Variants in NSUN6 observed in about 807,000 individuals in gnomAD.
The protein encoded by NSUN6 is NOP2/Sun RNA methyltransferase 6.
Under a neutral mutation model 58.0 loss-of-function variants are expected in NSUN6, and 64 were observed. That is an observed-to-expected ratio of 1.10 (90% CI 0.90 to 1.36). The LOEUF is 1.36. Ranked by LOEUF, NSUN6 falls within the 40% of genes most tolerant of loss-of-function variation. The pLI is 0.00. For synonymous variants in NSUN6, 231 were observed against 193.9 expected, an observed-to-expected ratio of 1.19 and a Z score of -1.59; for missense variants, 701 against 550.1, an observed-to-expected ratio of 1.27 and a Z score of -2.74.
At chr10:18,604,068 C>G (rs1377735019) in intron 6 of NSUN6, among the ~76,000 whole-genome samples, 1 of 151,986 alleles carries the variant, frequency 6.6e-6, no homozygotes, top group Admixed American at 6.6e-5. Flanking sequence ...TGCAGTCCCA[C>G]CTACTCGGGA....
upstream of NSUN6, among the ~76,000 whole-genome samples, chr10:18,657,630 T>C (rs1424937469): frequency 1.3e-5 from 2 of 152,092 alleles, no homozygotes; most frequent in Non-Finnish European, 2.9e-5. Context: ...ATTTTTATTT[T>C]TTTAGACGGA....
In NSUN6 at chr10:18,604,403, T is replaced by C. The variant is rs987474847; in HGVS notation, c.657+5442A>G. Among the ~76,000 whole-genome samples the C allele has an allele frequency of 3.9e-5, 6 of 152,296 alleles. No homozygotes were observed. In the East Asian group the frequency reaches 9.6e-4, roughly 24 times the overall value. On this transcript the variant is annotated intron_variant, in intron 6 of 10. Transcript: ENST00000377304. ...TAAAATGTGAAGGGATGCTCTTCAA[T>C]TTTAGAGACTGAAGCTTCTCAGATC...
chr10:18,616,124 A>G lies in NSUN6; in HGVS notation c.421+60T>C. ...TTAGTGACAAATCAATAAATTTTCC[A>G]TTTGAAAATGCACATAAATTTTAGA... is the stretch of plus-strand genomic sequence containing the variant. On this transcript the variant is annotated intron_variant, in intron 4 of 10. Transcript: ENST00000377304. 3 of 993,416 alleles carry G rather than the reference A, an allele frequency of 3.0e-6. No individual in the cohort carries two copies. The South Asian group carries it at 4.1e-5, about 14-fold the overall frequency. 61.5% of individuals were successfully genotyped at this position (993,416 alleles called of 1,614,324 possible). A position where few individuals can be genotyped will look rare whatever the true frequency, so the allele number is the denominator to read the frequency against.
intron 8 of NSUN6, among the ~76,000 whole-genome samples, chr10:18,564,070 C>A (rs367571537): frequency 6.6e-6 from 1 of 150,862 alleles, no homozygotes; most frequent in Non-Finnish European, 1.5e-5. Context: ...CCATTCCATT[C>A]TTGATTCCAT....
chr10:18,582,293 C>G (rs911203261), intron 8 of NSUN6, among the ~76,000 whole-genome samples: 4 of 152,196 alleles, frequency 2.6e-5, no homozygotes, highest in African/African-American at 9.7e-5. Flanking sequence ...GCCTGACATT[C>G]CCGGTTGTGG....
At chr10:18,651,681 C>T (rs904254338), upstream of NSUN6, 21 of 985,738 alleles carry the variant, frequency 2.1e-5, no homozygotes, top group South Asian at 9.3e-5. Context: ...CCTTTCCGGT[C>T]CCCCAATCCA....
Position 18,561,375 on chromosome 10 carries a change from A to C in NSUN6, c.923-9404T>G, listed in dbSNP as rs1416335746. ...GAGAACGGAATGGAGAATACAATGG[A>C]ATGGAATGCAGTGGTGAATGGAATG... On this transcript the variant is annotated intron_variant, in intron 8 of 10. Transcript: ENST00000377304. Among the ~76,000 whole-genome samples, 2 of 81,936 alleles carry C rather than the reference A, an allele frequency of 2.4e-5. 1 individual carries two copies. Among genetic ancestry groups the C allele is most frequent in the Admixed American group, 2.7e-4 (2 of 7,398 alleles). The allele number at this position is 81,936 out of a possible 152,430, so 53.8% of individuals were successfully genotyped here. A position where few individuals can be genotyped will look rare whatever the true frequency, so the allele number is the denominator to read the frequency against.
intron 2 of NSUN6, among the ~76,000 whole-genome samples, chr10:18,646,540 G>T (rs2059551624): frequency 9.6e-6 from 1 of 103,938 alleles, no homozygotes; most frequent in Non-Finnish European, 2.0e-5. Flanking sequence ...GAAATCATTT[G>T]TTGTGGAAAA....
At chr10:18,624,051 G>C (rs1393067962) in intron 3 of NSUN6, among the ~76,000 whole-genome samples, 1 of 151,884 alleles carries the variant, frequency 6.6e-6, no homozygotes, top group African/African-American at 2.4e-5. Context: ...TACACAAAAA[G>C]CAGAAGGTAG....
chr10:18,555,999 G>A (rs1042472176), intron 8 of NSUN6, among the ~76,000 whole-genome samples: 1 of 150,038 alleles, frequency 6.7e-6, no homozygotes, highest in Middle Eastern at 3.4e-3. Flanking sequence ...ATAATAGAAT[G>A]GAATATGGAA....
intron 8 of NSUN6, among the ~76,000 whole-genome samples, chr10:18,571,772 T>C (rs2056380429): frequency 6.6e-6 from 1 of 151,564 alleles, no homozygotes; most frequent in Admixed American, 6.6e-5. Flanking sequence ...CCATTCTCCA[T>C]TCCATTCCAT....
At chr10:18,571,930 T>C (rs1479813581) in intron 8 of NSUN6, among the ~76,000 whole-genome samples, 1 of 151,620 alleles carries the variant, frequency 6.6e-6, no homozygotes, top group African/African-American at 2.4e-5. Context: ...CCCCTTTCCA[T>C]TCCATTCTCC....
chr10:18,557,061 T>C (rs2055084869), intron 8 of NSUN6, among the ~76,000 whole-genome samples: 1 of 144,370 alleles, frequency 6.9e-6, no homozygotes, highest in Non-Finnish European at 1.5e-5. Context: ...GAATGGAAAA[T>C]GGAATGGAAT....
chr10:18,607,504 AG>A (rs1257832848), intron 6 of NSUN6, among the ~76,000 whole-genome samples: 1 of 152,230 alleles, frequency 6.6e-6, no homozygotes, highest in Non-Finnish European at 1.5e-5. Context: ...CAGCTTGAAA[AG>A]GAAGTTATAA....
intron 7 of NSUN6, among the ~76,000 whole-genome samples, chr10:18,595,902 A>T (rs1025308562): frequency 3.9e-5 from 6 of 152,222 alleles, no homozygotes; most frequent in African/African-American, 1.4e-4. Flanking sequence ...ATATATTTTA[A>T]TAGTTTAAAC....
At chr10:18,565,570 T>C (rs531763947) in intron 8 of NSUN6, among the ~76,000 whole-genome samples, 1 of 150,714 alleles carries the variant, frequency 6.6e-6, no homozygotes, top group East Asian at 2.0e-4. Context: ...TCCAATCCAT[T>C]CTCCATTCCA....
chr10:18,567,798 T>C (rs1252653595), intron 8 of NSUN6, among the ~76,000 whole-genome samples: 1 of 151,082 alleles, frequency 6.6e-6, no homozygotes, highest in Non-Finnish European at 1.5e-5. Context: ...TTCTACATTC[T>C]TCATTCCATT....
chr10:18,608,620 CAG>C (rs1358195104), intron 6 of NSUN6, among the ~76,000 whole-genome samples: 1 of 129,068 alleles, frequency 7.7e-6, no homozygotes, highest in African/African-American at 2.9e-5. Flanking sequence ...GCCTGCGTGA[CAG>C]AGTAAGATCC....
chr10:18,628,633 T>C (rs1401861219), intron 3 of NSUN6, among the ~76,000 whole-genome samples: 2 of 152,040 alleles, frequency 1.3e-5, no homozygotes, highest in Non-Finnish European at 2.9e-5. Context: ...GCCAATGTGA[T>C]CAACTGGAAG....
Sources: allele counts gnomAD v4.1 joint callset (sites outside exome capture counted in the v4.1 genomes callset), GRCh38; gene constraint gnomAD v4.1.1; transcripts MANE v1.5; gene names NCBI Gene and HGNC (gene_info 2026-07-23, HGNC 2026-07-21).